Variants in AMBRA1 observed in about 807,000 individuals in gnomAD.
AMBRA1 encodes the protein activating molecule in BECN1-regulated autophagy protein 1.
In AMBRA1, 47 loss-of-function variants were observed where a neutral mutation model predicts 125.4. That is an observed-to-expected ratio of 0.37 (90% CI 0.30 to 0.48). The LOEUF (loss-of-function observed/expected upper bound fraction) is 0.48. AMBRA1 is among the 20% of genes least tolerant of loss of function. AMBRA1 has a pLI of 0.99. For synonymous variants in AMBRA1, 626 were observed against 655.5 expected, an observed-to-expected ratio of 0.95 and a Z score of 0.69; for missense variants, 1,331 against 1,693.4, an observed-to-expected ratio of 0.79 and a Z score of 3.76.
chr11:46,447,519 A>C (rs1948351634), intron 11 of AMBRA1, among the ~76,000 whole-genome samples: 1 of 152,102 alleles, frequency 6.6e-6, no homozygotes. Context: ...TGGGCAACAG[A>C]GCAAGATTCT....
rs139525470 is a variant in AMBRA1 at position 46,586,751 on chromosome 11, C to T, written c.-121+7077G>A. ...ATGGTATTTTACAGATGAGGAGAGG[C>T]ACAGAGAGACTAAGTAACTTGCCCA... On this transcript the variant is annotated intron_variant, in intron 1 of 17. Coordinates refer to ENST00000683756, the MANE Select transcript of AMBRA1 (RefSeq NM_001387011.1). Among the ~76,000 whole-genome samples the T allele has an allele frequency of 6.6e-4, 100 of 152,256 alleles. No homozygotes were observed. In the East Asian group the frequency reaches 0.018, roughly 28 times the overall value.
Position 46,435,048 on chromosome 11 carries a change from C to G in AMBRA1, c.2633-11G>C. 6.3e-7 allele frequency: 1 copy of G among 1,587,074 alleles called. No homozygotes were observed. ...GCACATTCACGGAAGCTGCATCAGA[C>G]AAAGAAAGAAAAGAGGATAAGAAAC... is the stretch of plus-strand genomic sequence containing the variant. On this transcript the variant is annotated splice_polypyrimidine_tract_variant and intron_variant, in intron 12 of 17. Coordinates refer to ENST00000683756, the MANE Select transcript of AMBRA1 (RefSeq NM_001387011.1).
intron 7 of AMBRA1, among the ~76,000 whole-genome samples, chr11:46,516,918 C>T (rs945706724): frequency 1.3e-5 from 2 of 151,860 alleles, no homozygotes; most frequent in East Asian, 1.9e-4. Flanking sequence ...TGTTCAGGTT[C>T]GAAGCTGCTA....
Position 46,397,277 on chromosome 11 carries a change from C to T in AMBRA1, c.*173G>A, listed in dbSNP as rs1945501682. ...TTCTAGTTCCCCGAGGCAGGCCTTG[C>T]CCATTTGACTGTCTTGTGCCCACTG... On this transcript the variant is annotated 3_prime_UTR_variant, in exon 18 of 18. Coordinates refer to ENST00000683756, the MANE Select transcript of AMBRA1 (RefSeq NM_001387011.1). 5.7e-6 allele frequency: 5 copies of T among 875,316 alleles called. No homozygotes were observed. The highest frequency in any genetic ancestry group is 6.2e-6 in the Non-Finnish European group (4 of 645,694). The allele number at this position is 875,316 out of a possible 1,614,324, so 54.2% of individuals were successfully genotyped here.
chr11:46,558,815 A>C (rs996628152), intron 1 of AMBRA1, among the ~76,000 whole-genome samples: 1 of 152,196 alleles, frequency 6.6e-6, no homozygotes, highest in Non-Finnish European at 1.5e-5. Context: ...CATGTCTGTC[A>C]TAGTCCCAGT....
At chr11:46,508,687 A>G (rs1951150976) in intron 8 of AMBRA1, among the ~76,000 whole-genome samples, 1 of 152,168 alleles carries the variant, frequency 6.6e-6, no homozygotes, top group African/African-American at 2.4e-5. Flanking sequence ...TTAGCTCCTC[A>G]GGGTGCTCTT....
intron 7 of AMBRA1, among the ~76,000 whole-genome samples, chr11:46,539,266 T>C (rs1458947189): frequency 6.6e-6 from 1 of 152,058 alleles, no homozygotes; most frequent in African/African-American, 2.4e-5. Context: ...CACTTAAAAA[T>C]GAAGTTATCG....
At chr11:46,456,463 A>G (rs2136815105) in intron 11 of AMBRA1, among the ~76,000 whole-genome samples, 1 of 152,178 alleles carries the variant, frequency 6.6e-6, no homozygotes, top group Non-Finnish European at 1.5e-5. Context: ...TCATTATGCA[A>G]TGCAGCTGCT....
At chr11:46,432,042 TA>T (rs2136703153) in intron 14 of AMBRA1, among the ~76,000 whole-genome samples, 1 of 152,264 alleles carries the variant, frequency 6.6e-6, no homozygotes, top group South Asian at 2.1e-4. Flanking sequence ...TTTATTTATT[TA>T]TTTTTTTTTG....
chr11:46,583,926 G>C (rs1193155159), intron 1 of AMBRA1, among the ~76,000 whole-genome samples: 37 of 141,608 alleles, frequency 2.6e-4, no homozygotes, highest in African/African-American at 9.5e-4. Flanking sequence ...CTGTTGGTGG[G>C]ACTGTAAACT....
chr11:46,430,079 GAA>G (rs1387277035), intron 14 of AMBRA1, among the ~76,000 whole-genome samples: 1 of 151,990 alleles, frequency 6.6e-6, no homozygotes, highest in African/African-American at 2.4e-5. Flanking sequence ...ACAGAGAAGG[GAA>G]AGATCAAAAG....
At chr11:46,582,582 T>TA (rs1195321438) in intron 1 of AMBRA1, among the ~76,000 whole-genome samples, 2 of 152,212 alleles carry the variant, frequency 1.3e-5, no homozygotes, top group East Asian at 3.8e-4. Context: ...CAGTATAACT[T>TA]AGAGGTTAAG....
chr11:46,461,345 T>G lies in AMBRA1; in HGVS notation c.2522-17747A>C, dbSNP rs566258603. On this transcript the variant is annotated intron_variant, in intron 11 of 17. Coordinates refer to ENST00000683756, the MANE Select transcript of AMBRA1 (RefSeq NM_001387011.1). Reference sequence around the variant, plus strand: ...GTCAATAACTATTAAATTTTGGTTGTGGAAGCACAAATGCATGTCATATAT... The same window carrying G: ...GTCAATAACTATTAAATTTTGGTTGGGGAAGCACAAATGCATGTCATATAT... Among the ~76,000 whole-genome samples, 3 of 152,354 alleles carry G rather than the reference T, an allele frequency of 2.0e-5. No homozygotes were observed. The South Asian group carries it at 6.2e-4, about 32-fold the overall frequency.
In AMBRA1 at chr11:46,541,940, C is replaced by T. The variant is rs1277144426; in HGVS notation, c.2072+5G>A. The T allele has an allele frequency of 6.2e-7, 1 of 1,603,688 alleles. No homozygotes were observed. The highest frequency in any genetic ancestry group is 1.8e-5 in the Admixed American group (1 of 55,984). ...GATGCAGAAGATAGGAAAGCGACTG[C>T]TTACCTCCTGAGTGAATCCTCCTCA... is the stretch of plus-strand genomic sequence containing the variant. On this transcript the variant is annotated splice_donor_5th_base_variant and intron_variant, in intron 7 of 17. Coordinates refer to ENST00000683756, the MANE Select transcript of AMBRA1 (RefSeq NM_001387011.1).
intron 9 of AMBRA1, among the ~76,000 whole-genome samples, chr11:46,506,751 G>A (rs1342411464): frequency 6.6e-6 from 1 of 152,100 alleles, no homozygotes; most frequent in Non-Finnish European, 1.5e-5. Context: ...GAATCAAAAT[G>A]AGCCAAATGT....
At chr11:46,588,170 T>C (rs61882755) in intron 1 of AMBRA1, among the ~76,000 whole-genome samples, 6,559 of 152,086 alleles carry the variant, frequency 0.043, 183 homozygotes, top group Non-Finnish European at 0.064. Context: ...TGGTCTCTAC[T>C]AAAAATACAA....
chr11:46,462,789 T>C (rs1292601055), intron 11 of AMBRA1, among the ~76,000 whole-genome samples: 4 of 151,958 alleles, frequency 2.6e-5, no homozygotes, highest in African/African-American at 9.7e-5. Context: ...TATCACTCTG[T>C]CACCCAGGCT....
At chr11:46,579,118 A>G (rs1290935340) in intron 1 of AMBRA1, among the ~76,000 whole-genome samples, 2 of 151,592 alleles carry the variant, frequency 1.3e-5, no homozygotes, top group African/African-American at 4.8e-5. Context: ...AGAACCATTC[A>G]GTAGGGAGGT....
At chr11:46,401,558 G>A (rs1945760855) in intron 17 of AMBRA1, among the ~76,000 whole-genome samples, 1 of 152,178 alleles carries the variant, frequency 6.6e-6, no homozygotes, top group South Asian at 2.1e-4. Context: ...TAGATTACCA[G>A]GGGCAGAACA....
Sources: allele counts gnomAD v4.1 joint callset (sites outside exome capture counted in the v4.1 genomes callset), GRCh38; gene constraint gnomAD v4.1.1; transcripts MANE v1.5; gene names NCBI Gene and HGNC (gene_info 2026-07-23, HGNC 2026-07-21).